The following CAST variants were observed in gnomAD, a reference collection of about 807,000 sequenced individuals.
CAST encodes the protein MIR583 host.
A neutral mutation model predicts 119.6 loss-of-function variants in CAST; 76 were observed. That is an observed-to-expected ratio of 0.64 (90% CI 0.53 to 0.77). The LOEUF is 0.77. Among genes scored for constraint, CAST ranks in the 30% least tolerant of loss-of-function variants. The probability of loss-of-function intolerance (pLI) is 0.00; values close to 1 mark genes in which losing one functional copy is unlikely to be tolerated. For synonymous variants in CAST, 319 were observed against 331.6 expected (o/e 0.96, Z 0.41); for missense variants, 953 against 946.5 (o/e 1.01, Z -0.09).
At chr5:96,023,356 G>T in the CAST span, among the ~76,000 whole-genome samples, 1 of 152,178 alleles carries the variant, frequency 6.6e-6, no homozygotes, top group Non-Finnish European at 1.5e-5. Flanking sequence ...GATGCCCCTG[G>T]TTTCACTTTG....
At chr5:96,732,799 G>T (rs1760824400) in intron 9 of CAST, among the ~76,000 whole-genome samples, 1 of 152,104 alleles carries the variant, frequency 6.6e-6, no homozygotes, top group Non-Finnish European at 1.5e-5. Context: ...ATGGATTAAA[G>T]ACTTAAACGT....
At chr5:96,590,628 A>G (rs1346352213) in intron 1 of CAST, among the ~76,000 whole-genome samples, 1 of 152,236 alleles carries the variant, frequency 6.6e-6, no homozygotes, top group Non-Finnish European at 1.5e-5. Flanking sequence ...ATTTGATGGG[A>G]CGAACCAGAG....
chr5:96,003,087 T>C, the CAST span, among the ~76,000 whole-genome samples: 2,480 of 151,980 alleles, frequency 0.016, 27 homozygotes, highest in Middle Eastern at 0.058. Context: ...AAAATAAAAA[T>C]AAGTTAGCCA....
At chr5:96,271,970 C>T in the CAST span, among the ~76,000 whole-genome samples, 2 of 152,134 alleles carry the variant, frequency 1.3e-5, no homozygotes, top group African/African-American at 4.8e-5. Context: ...AGACATTTCT[C>T]AATAGAAGAC....
chr5:95,961,681 C>T, the CAST span: 1 of 1,606,596 alleles, frequency 6.2e-7, no homozygotes, highest in East Asian at 2.3e-5. Flanking sequence ...CAGCCCATAG[C>T]GCTGCTCCTC....
the CAST span, among the ~76,000 whole-genome samples, chr5:96,022,880 T>G: frequency 3.3e-5 from 5 of 152,174 alleles, no homozygotes. Context: ...TTCAACTGAT[T>G]GGATGAGGGG....
the CAST span, among the ~76,000 whole-genome samples, chr5:96,034,582 C>T: frequency 6.6e-6 from 1 of 151,096 alleles, no homozygotes; most frequent in Non-Finnish European, 1.5e-5. Flanking sequence ...TAATCTAACT[C>T]ACATATGCAT....
the CAST span, among the ~76,000 whole-genome samples, chr5:96,202,380 T>A: frequency 6.6e-6 from 1 of 152,028 alleles, no homozygotes; most frequent in Non-Finnish European, 1.5e-5. Flanking sequence ...TCCAGTGACA[T>A]TATGATTCAG....
the CAST span, among the ~76,000 whole-genome samples, chr5:96,267,655 G>A: frequency 6.6e-6 from 1 of 152,014 alleles, no homozygotes; most frequent in Admixed American, 6.6e-5. Context: ...CACCAGACCT[G>A]TCTTATAAGA....
At chr5:96,714,477 A>C (rs1716834751) in intron 3 of CAST, among the ~76,000 whole-genome samples, 1 of 152,268 alleles carries the variant, frequency 6.6e-6, no homozygotes. Flanking sequence ...TGGCTAGTCA[A>C]GTACAGTCTT....
chr5:96,276,677 C>T, the CAST span, among the ~76,000 whole-genome samples: 5 of 152,148 alleles, frequency 3.3e-5, no homozygotes, highest in African/African-American at 1.2e-4. Flanking sequence ...GTATCCACCT[C>T]CTTAGATTTA....
the CAST span, among the ~76,000 whole-genome samples, chr5:96,470,464 T>A: frequency 6.6e-6 from 1 of 151,984 alleles, no homozygotes; most frequent in Non-Finnish European, 1.5e-5. Context: ...AAGACCAGCA[T>A]CTGAAAATCA....
At chr5:96,440,582 G>A in the CAST span, among the ~76,000 whole-genome samples, 1 of 152,024 alleles carries the variant, frequency 6.6e-6, no homozygotes, top group Non-Finnish European at 1.5e-5. Flanking sequence ...GGGGAGGTGG[G>A]TAGGATAAAT....
the CAST span, among the ~76,000 whole-genome samples, chr5:96,037,210 A>G: frequency 6.6e-6 from 1 of 152,144 alleles, no homozygotes; most frequent in Non-Finnish European, 1.5e-5. Flanking sequence ...AATCCCATGT[A>G]AAGGTGCCAA....
At chr5:96,443,313 C>T in the CAST span, among the ~76,000 whole-genome samples, 27 of 152,242 alleles carry the variant, frequency 1.8e-4, no homozygotes, top group Non-Finnish European at 3.5e-4. Context: ...CATAACTAGA[C>T]GCAGGATCAT....
At chr5:96,182,387 G>A in the CAST span, among the ~76,000 whole-genome samples, 115 of 152,358 alleles carry the variant, frequency 7.5e-4, no homozygotes, top group Middle Eastern at 6.8e-3. Context: ...ACCCTCCTAT[G>A]AGTTGGAGTA....
chr5:96,423,860 C>T, the CAST span, among the ~76,000 whole-genome samples: 1 of 152,158 alleles, frequency 6.6e-6, no homozygotes, highest in Non-Finnish European at 1.5e-5. Flanking sequence ...ATTGAGCTCT[C>T]ATTATATTGC....
chr5:96,277,041 T>C, the CAST span, among the ~76,000 whole-genome samples: 1 of 152,264 alleles, frequency 6.6e-6, no homozygotes, highest in Non-Finnish European at 1.5e-5. Context: ...AGCTGCGTAG[T>C]ATTCCATTGT....
chr5:96,453,741 G>C, the CAST span, among the ~76,000 whole-genome samples: 6 of 152,166 alleles, frequency 3.9e-5, no homozygotes, highest in Non-Finnish European at 5.9e-5. Flanking sequence ...AATAAAAAAT[G>C]TTGATATATT....
Sources: allele counts gnomAD v4.1 joint callset (sites outside exome capture counted in the v4.1 genomes callset), GRCh38; gene constraint gnomAD v4.1.1; transcripts MANE v1.5; gene names NCBI Gene and HGNC (gene_info 2026-07-23, HGNC 2026-07-21).